Variants in PLEKHA7 observed in about 807,000 individuals in gnomAD.
PLEKHA7 encodes pleckstrin homology domain-containing family A member 7.
Under a neutral mutation model 170.0 loss-of-function variants are expected in PLEKHA7, and 104 were observed. The observed-to-expected ratio is 0.61, with a 90% CI of 0.52 to 0.72. The LOEUF is 0.72. PLEKHA7 is among the 30% of genes least tolerant of loss of function. PLEKHA7 has a pLI of 0.00. For synonymous variants in PLEKHA7, 648 were observed against 660.8 expected (o/e 0.98, Z 0.30); for missense variants, 1,615 against 1,671.7 (o/e 0.97, Z 0.59).
chr11:16,956,315 AG>A (rs1861700778), intron 3 of PLEKHA7, among the ~76,000 whole-genome samples: 1 of 152,222 alleles, frequency 6.6e-6, no homozygotes, highest in African/African-American at 2.4e-5. Context: ...CACCATGCCC[AG>A]CCACATGCAC....
chr11:16,830,354 A>C (rs1851014515), intron 9 of PLEKHA7, among the ~76,000 whole-genome samples: 1 of 152,152 alleles, frequency 6.6e-6, no homozygotes, highest in African/African-American at 2.4e-5. Flanking sequence ...TTCGGAGATG[A>C]TGAAGGCTCC....
At chr11:16,796,305 A>C (rs1590147337) in intron 17 of PLEKHA7, among the ~76,000 whole-genome samples, 1 of 152,264 alleles carries the variant, frequency 6.6e-6, no homozygotes, top group African/African-American at 2.4e-5. Context: ...TTAAAAATAC[A>C]GTAGTGAATG....
At chr11:16,843,792 C>T (rs1390677019) in intron 8 of PLEKHA7, among the ~76,000 whole-genome samples, 1 of 152,116 alleles carries the variant, frequency 6.6e-6, no homozygotes, top group Non-Finnish European at 1.5e-5. Flanking sequence ...AAAAAAATAG[C>T]TGGGCATGGT....
At position 16,855,845 on chromosome 11, in the gene PLEKHA7, C is replaced by A. The variant is rs145257579; in HGVS notation, c.375G>T (p.Thr125=). The A allele has an allele frequency of 6.2e-7, 1 of 1,614,136 alleles. No individual in the cohort carries two copies. Among genetic ancestry groups the A allele is most frequent in the East Asian group, 2.2e-5 (1 of 44,874 alleles). ...RPSSMVSETS[T]AGTASTLEAK... ...CCTCCAGGGTGGAGGCGGTCCCAGC[C>A]GTGGATGTTTCACTGACCATGCTGG... The change falls in exon 5 of 27, where the codon ACG becomes ACT. Residue 125 remains threonine, a synonymous_variant. Transcript: ENST00000531066.
Position 16,826,243 on chromosome 11 carries a change from T to C in PLEKHA7, c.1220A>G (p.Asn407Ser). ...LPASYGPGEQ[N>S]GTGGYQRAFP... ...GGCCCGCTGGTACCCACCAGTCCCA[T>C]TCTGTTCTCCTGGGCCATATGAGGC... Residue 407 changes from asparagine to serine, a missense_variant, in exon 10 of 27, where the codon AAT becomes AGT. Transcript: ENST00000531066. 6.2e-7 allele frequency: 1 copy of C among 1,614,230 alleles called. No homozygotes were observed. The highest frequency in any genetic ancestry group is 8.5e-7 in the Non-Finnish European group (1 of 1,180,036).
At chr11:16,968,054 C>G (rs1862481587) in intron 3 of PLEKHA7, among the ~76,000 whole-genome samples, 1 of 152,156 alleles carries the variant, frequency 6.6e-6, no homozygotes, top group African/African-American at 2.4e-5. Context: ...TAGAACCCCA[C>G]TTAGCCCAAG....
In PLEKHA7 at chr11:16,952,668, T is replaced by G. The variant is rs538007643; in HGVS notation, c.221+61321A>C. 1.8e-4 allele frequency among the ~76,000 whole-genome samples: 28 copies of G among 152,328 alleles called. 1 individual carries two copies. The South Asian group carries it at 5.6e-3, about 30-fold the overall frequency. On this transcript the variant is annotated intron_variant, in intron 3 of 26. Transcript: ENST00000531066. ...CCAGAAGTGTTTCAGATTTGGGGTT[T>G]TTGCATATTTTAGAATATCTGCAGA...
intron 3 of PLEKHA7, among the ~76,000 whole-genome samples, chr11:16,953,358 A>T (rs543246006): frequency 5.4e-4 from 83 of 152,396 alleles, no homozygotes; most frequent in Admixed American, 2.8e-3. Flanking sequence ...AAAGAAAGTT[A>T]TAAGAAAGTT....
intron 3 of PLEKHA7, chr11:16,974,788 T>C: frequency 1.3e-6 from 1 of 789,588 alleles, no homozygotes; most frequent in Non-Finnish European, 1.6e-6. Flanking sequence ...GATCTGCAGT[T>C]GGGCTCAACG....
chr11:16,878,169 A>G (rs1389279596), intron 3 of PLEKHA7, among the ~76,000 whole-genome samples: 1 of 152,168 alleles, frequency 6.6e-6, no homozygotes, highest in East Asian at 1.9e-4. Flanking sequence ...TATTGCCTCT[A>G]TCTACGAAAT....
chr11:16,926,270 C>G (rs6486324), intron 3 of PLEKHA7, among the ~76,000 whole-genome samples: 138,109 of 152,228 alleles, frequency 0.91, 63,183 homozygotes, highest in Middle Eastern at 0.97. Flanking sequence ...TCTCTGCCCT[C>G]GCAACCTCAA....
chr11:16,933,266 C>A (rs1350044209), intron 3 of PLEKHA7, among the ~76,000 whole-genome samples: 1 of 152,202 alleles, frequency 6.6e-6, no homozygotes, highest in Non-Finnish European at 1.5e-5. Context: ...GGTCAGGTAA[C>A]TTGCCTATCA....
intron 8 of PLEKHA7, among the ~76,000 whole-genome samples, chr11:16,847,924 T>C (rs769261940): frequency 5.6e-4 from 84 of 150,812 alleles, no homozygotes; most frequent in Non-Finnish European, 9.3e-4. Context: ...GAATACAACC[T>C]GAACAAGGGT....
In PLEKHA7 at chr11:17,014,170, GATGCAGCCAGGTC is replaced by G; in HGVS notation, c.105_117del (p.Thr36ArgfsTer12). On this transcript the variant is annotated frameshift_variant, in exon 2 of 27. Coordinates refer to ENST00000531066, the MANE Select transcript of PLEKHA7 (RefSeq NM_001329630.2). LOFTEE classifies it high-confidence loss of function. ...GAGTTGACGGGCTCCCCGGTGCGCG[GATGCAGCCAGGTC>G]GTGCAGCGGAGCTGGTCACTGCGGG... The G allele has an allele frequency of 6.2e-7, 1 of 1,601,772 alleles. No individual in the cohort carries two copies. The highest frequency in any genetic ancestry group is 8.5e-7 in the Non-Finnish European group (1 of 1,175,506).
At chr11:16,937,605 TTTTTC>T (rs566977882) in intron 3 of PLEKHA7, among the ~76,000 whole-genome samples, 64 of 152,052 alleles carry the variant, frequency 4.2e-4, no homozygotes, top group African/African-American at 1.3e-3. Flanking sequence ...AACTAGGATG[TTTTTC>T]TTTTCTTTTT....
chr11:16,843,327 T>C (rs749134816), intron 8 of PLEKHA7, among the ~76,000 whole-genome samples: 6 of 152,188 alleles, frequency 3.9e-5, no homozygotes, highest in Non-Finnish European at 8.8e-5. Context: ...AATGAAAAAC[T>C]AGACAATGAC....
intron 24 of PLEKHA7, 42 bp downstream of exon 24, chr11:16,786,187 G>C (rs1383962886): frequency 6.5e-7 from 1 of 1,530,354 alleles, no homozygotes; most frequent in African/African-American, 1.4e-5. Flanking sequence ...GAACTTGAAG[G>C]CCATGTCTCC....
intron 3 of PLEKHA7, among the ~76,000 whole-genome samples, chr11:16,924,821 T>G (rs1281357810): frequency 6.6e-6 from 1 of 152,232 alleles, no homozygotes; most frequent in Admixed American, 6.5e-5. Flanking sequence ...ACATTAATAA[T>G]TAACTTGCCT....
chr11:17,003,273 GA>G (rs1475651877), intron 3 of PLEKHA7, among the ~76,000 whole-genome samples: 1 of 152,152 alleles, frequency 6.6e-6, no homozygotes, highest in Non-Finnish European at 1.5e-5. Flanking sequence ...TTACACATGT[GA>G]GCCACCACAC....
Sources: gnomAD v4.1 joint callset for allele counts (sites outside exome capture counted in the v4.1 genomes callset) on GRCh38, gnomAD v4.1.1 for gene constraint, MANE v1.5 for transcripts, NCBI Gene and HGNC (gene_info 2026-07-23, HGNC 2026-07-21) for gene names.